The following C8orf74 variants were observed in gnomAD, a reference collection of about 807,000 sequenced individuals.
C8orf74 encodes the protein chromosome 8 open reading frame 74.
C8orf74 carries 29 observed loss-of-function variants against 22.2 expected under a neutral mutation model. The ratio of observed to expected loss-of-function variants is 1.31; its 90% CI spans 0.97 to 1.78. C8orf74 has a LOEUF of 1.78. Among genes scored for constraint, C8orf74 ranks in the 40% most tolerant of loss-of-function variants. The pLI, the probability that C8orf74 is intolerant of heterozygous loss-of-function variation, is 0.00. For missense variants in C8orf74, 515 were observed against 369.9 expected (o/e 1.39, Z -3.22); for synonymous variants, 255 against 163.1 (o/e 1.56, Z -4.30).
chr8:10,685,291 G>A (rs1799238594), intron 2 of C8orf74, among the ~76,000 whole-genome samples: 1 of 152,146 alleles, frequency 6.6e-6, no homozygotes, highest in Non-Finnish European at 1.5e-5. Context: ...GGCTTCTCTG[G>A]GTACACACCC....
intron 3 of C8orf74, among the ~76,000 whole-genome samples, chr8:10,699,087 A>G (rs1477686902): frequency 6.6e-6 from 1 of 152,168 alleles, no homozygotes; most frequent in Non-Finnish European, 1.5e-5. Flanking sequence ...AACCCACGCA[A>G]CAGTCTATGT....
At chr8:10,695,042 G>A (rs945116797) in intron 2 of C8orf74, among the ~76,000 whole-genome samples, 7 of 151,978 alleles carry the variant, frequency 4.6e-5, no homozygotes, top group African/African-American at 1.7e-4. Context: ...TGGATGAATG[G>A]AAAGATGGAC....
chr8:10,689,105 A>T lies in C8orf74; in HGVS notation c.242-8494A>T, dbSNP rs1004468520. 11 of 152,250 alleles carry T rather than the reference A, an allele frequency of 7.2e-5. 1 individual carries two copies. Among genetic ancestry groups the T allele is most frequent in the African/African-American group, 2.7e-4 (11 of 41,456 alleles). The allele number at this position is 152,250 out of a possible 1,614,324, so 9.4% of individuals were successfully genotyped here. On this transcript the variant is annotated intron_variant, in intron 2 of 3. Coordinates refer to ENST00000304519, the MANE Select transcript of C8orf74 (RefSeq NM_001040032.2). Reference sequence around the variant, plus strand: ...AGACATTTCTGACCTATCAAAAAGCACCAGGGCTGGGGCAATGAAAAGAAA... The same window carrying T: ...AGACATTTCTGACCTATCAAAAAGCTCCAGGGCTGGGGCAATGAAAAGAAA...
chr8:10,689,400 AAAC>A (rs1375031568), intron 2 of C8orf74: 2 of 152,214 alleles, frequency 1.3e-5, no homozygotes, highest in African/African-American at 4.8e-5. Context: ...GAAGCATTGC[AAAC>A]GCTCCATGCC....
rs115134727 is a variant in C8orf74 at position 10,694,420 on chromosome 8, G to A, written c.242-3179G>A. On this transcript the variant is annotated intron_variant, in intron 2 of 3. Transcript: ENST00000304519. The stretch of plus-strand genomic sequence containing the variant: ...AATGATGTACCTGGGAGAAAGATCC[G>A]TTCCTTTCTCCAGAGATAATTTTGA... 7.0e-3 allele frequency among the ~76,000 whole-genome samples: 1,063 copies of A among 152,196 alleles called. 8 individuals are homozygous for A. Among genetic ancestry groups the A allele is most frequent in the African/African-American group, 0.024 (1,010 of 41,520 alleles).
chr8:10,700,250 A>C lies in C8orf74; in HGVS notation c.664A>C (p.Ile222Leu), dbSNP rs57041981. Residue 222 changes from isoleucine to leucine, a missense_variant, in exon 4 of 4, where the codon ATC (isoleucine) becomes CTC (leucine). Coordinates refer to ENST00000304519, the MANE Select transcript of C8orf74 (RefSeq NM_001040032.2). ...TTCCTTCCAGGAGTTGGAGAGCCTC[A>C]TCTGCCAGGCAGTCCACACCCAGAT... ...VLERQELESL[I>L]CQAVHTQMEL... is the part of the protein sequence containing the mutation. 1 of 1,598,934 alleles carries C rather than the reference A, an allele frequency of 6.3e-7. No homozygotes were observed. The highest frequency in any genetic ancestry group is 1.7e-4 in the Middle Eastern group (1 of 5,998).
chr8:10,678,488 A>G (rs1442245618), intron 2 of C8orf74, among the ~76,000 whole-genome samples: 1 of 152,132 alleles, frequency 6.6e-6, no homozygotes, highest in Non-Finnish European at 1.5e-5. Context: ...GACGAGGCCC[A>G]GTAGACACGT....
At chr8:10,683,720 A>G (rs1231029344) in intron 2 of C8orf74, among the ~76,000 whole-genome samples, 1 of 152,152 alleles carries the variant, frequency 6.6e-6, no homozygotes, top group African/African-American at 2.4e-5. Flanking sequence ...GGAGCCCCAG[A>G]GGTCACTGGA....
intron 3 of C8orf74, among the ~76,000 whole-genome samples, chr8:10,698,416 G>C (rs982321539): frequency 6.6e-6 from 1 of 152,162 alleles, no homozygotes; most frequent in African/African-American, 2.4e-5. Flanking sequence ...TAGGATGGGG[G>C]AGAAGATGGA....
At chr8:10,695,971 G>A (rs1799488066) in intron 2 of C8orf74, among the ~76,000 whole-genome samples, 1 of 152,166 alleles carries the variant, frequency 6.6e-6, no homozygotes, top group South Asian at 2.1e-4. Context: ...CAGAGCAGAA[G>A]AGGCTTGGCC....
At chr8:10,691,345 T>C (rs1799376896) in intron 2 of C8orf74, 1 of 181,924 alleles carries the variant, frequency 5.5e-6, no homozygotes, top group African/African-American at 2.3e-5. Context: ...GGCAGACTTC[T>C]CTTTTCAGAT....
At chr8:10,689,935 T>G (rs985414856) in intron 2 of C8orf74, among the ~76,000 whole-genome samples, 3 of 152,066 alleles carry the variant, frequency 2.0e-5, no homozygotes, top group Non-Finnish European at 4.4e-5. Context: ...TATGTGTAAG[T>G]GGACCCGCAG....
rs920817264 is a variant in C8orf74 at position 10,674,594 on chromosome 8, T to C, written c.49-52T>C. ...ATCACACCCCGTAGCCCCTATATCA[T>C]GCCCTGCAACCCCCACATCATACCC... is the stretch of plus-strand genomic sequence containing the variant. On this transcript the variant is annotated intron_variant, in intron 1 of 3. Transcript: ENST00000304519. 12 of 1,308,734 alleles carry C rather than the reference T, an allele frequency of 9.2e-6. No individual in the cohort carries two copies. In the Admixed American group the frequency reaches 2.8e-4, roughly 31 times the overall value. The allele number at this position is 1,308,734 out of a possible 1,614,324, so 81.1% of individuals were successfully genotyped here.
rs149597169 is a variant in C8orf74, at chr8:10,697,972, G to T, written c.615G>T (p.Ala205=). 1.2e-5 allele frequency: 18 copies of T among 1,518,270 alleles called. No homozygotes were observed. Among genetic ancestry groups the T allele is most frequent in the Non-Finnish European group, 1.5e-5 (17 of 1,136,112 alleles). The allele number at this position is 1,518,270 out of a possible 1,614,324, so 94.0% of individuals were successfully genotyped here. ...TGCAGAAGGCGTTCGCTGCCGCCGC[G>T]CCTGCGCAGCCCGGCCAGGTCCTGG... The part of the protein sequence containing the change: ...NSLQKAFAAA[A]PAQPGQVLER... Residue 205 remains alanine, a synonymous_variant, in exon 3 of 4, where the codon GCG becomes GCT. Transcript: ENST00000304519.
chr8:10,680,432 G>C (rs922587028), intron 2 of C8orf74, among the ~76,000 whole-genome samples: 5 of 152,190 alleles, frequency 3.3e-5, no homozygotes, highest in African/African-American at 1.2e-4. Flanking sequence ...CTACCATATG[G>C]CTGGAGGGGA....
chr8:10,693,427 C>T (rs1338264662), intron 2 of C8orf74, among the ~76,000 whole-genome samples: 2 of 152,194 alleles, frequency 1.3e-5, no homozygotes, highest in Non-Finnish European at 2.9e-5. Context: ...ACTCCTCAAC[C>T]ACCTCCCTGG....
At chr8:10,685,008 C>T (rs577252505) in intron 2 of C8orf74, among the ~76,000 whole-genome samples, 1 of 152,206 alleles carries the variant, frequency 6.6e-6, no homozygotes, top group Admixed American at 6.5e-5. Flanking sequence ...GATCCACTCC[C>T]CACAGGGGGC....
rs568124719 is a variant in C8orf74 at position 10,672,639 on chromosome 8, G to C, written c.-27G>C. 5.1e-6 allele frequency: 8 copies of C among 1,557,980 alleles called. No homozygotes were observed. Among genetic ancestry groups the C allele is most frequent in the Non-Finnish European group, 7.0e-6 (8 of 1,150,424 alleles). Reference sequence around the variant, plus strand: ...GGAAACTCTGAGTCAGTCTGGCTCCGTCTCCTGGCAACCAGATGCAGGGGC... The same window carrying C: ...GGAAACTCTGAGTCAGTCTGGCTCCCTCTCCTGGCAACCAGATGCAGGGGC... On this transcript the variant is annotated 5_prime_UTR_variant, in exon 1 of 4. Transcript: ENST00000304519.
At chr8:10,684,428 C>T (rs1395243876) in intron 2 of C8orf74, among the ~76,000 whole-genome samples, 1 of 152,210 alleles carries the variant, frequency 6.6e-6, no homozygotes, top group Non-Finnish European at 1.5e-5. Flanking sequence ...GGACAAGAGT[C>T]CATGACAGTC....
Sources: gnomAD v4.1 joint callset for allele counts (sites outside exome capture counted in the v4.1 genomes callset) on GRCh38, gnomAD v4.1.1 for gene constraint, MANE v1.5 for transcripts, NCBI Gene and HGNC (gene_info 2026-07-23, HGNC 2026-07-21) for gene names.